Variants in FTSJ1 observed in about 807,000 individuals in gnomAD.
FTSJ1 encodes tRNA (cytidine(32)/guanosine(34)-2'-O)-methyltransferase.
A neutral mutation model predicts 28.5 loss-of-function variants in FTSJ1; 3 were observed. That is an observed-to-expected ratio of 0.11 (90% CI 0.05 to 0.27). The LOEUF (loss-of-function observed/expected upper bound fraction) is 0.27, where lower values mean the gene tolerates loss of function less well. Ranked by LOEUF, FTSJ1 falls within the 10% of genes least tolerant of loss-of-function variation. The pLI is 1.00. For synonymous variants in FTSJ1, 104 were observed against 113.9 expected (o/e 0.91, Z 0.55); for missense variants, 162 against 279.0 (o/e 0.58, Z 2.99).
chrX:48,479,024 C>T lies in FTSJ1; in HGVS notation c.283-14C>T. The T allele has an allele frequency of 7.7e-6, 9 of 1,173,999 alleles. No homozygotes were observed. The highest frequency in any genetic ancestry group is 2.2e-5 in the Admixed American group (1 of 46,056). On this transcript the variant is annotated splice_polypyrimidine_tract_variant and intron_variant, in intron 4 of 12. Transcript: ENST00000348411. Reference sequence around the variant, plus strand: ...GGAGGGCCGTGGGGCCACTCATCCTCCCTCTCTCCATAGCTGTCCACTGCC... The same window carrying T: ...GGAGGGCCGTGGGGCCACTCATCCTTCCTCTCTCCATAGCTGTCCACTGCC...
At chrX:48,485,499 A>AGT (rs1569475192) in intron 12 of FTSJ1, among the ~76,000 whole-genome samples, 5 of 109,782 alleles carry the variant, frequency 4.6e-5, no homozygotes, top group African/African-American at 1.7e-4. Flanking sequence ...TTCACCATAA[A>AGT]AGGAGGAAAT....
chrX:48,479,192 G>T, intron 5 of FTSJ1, 76 bp downstream of exon 5: 1 of 660,135 alleles, frequency 1.5e-6, no homozygotes, highest in South Asian at 2.2e-5. Flanking sequence ...CACCTTGGTT[G>T]ACTTATTCAC....
rs2061580534 is a variant in FTSJ1 at position 48,483,130 on chromosome X, T to TAATC, written c.*9+106_*9+109dup. ...ATTTTTATGTCAACTGATAAGATTTTAATCAACAAACCCTTTTCTAAACAT... is the reference window on the plus strand; with the variant it reads ...ATTTTTATGTCAACTGATAAGATTTTAATCAATCAACAAACCCTTTTCTAAACAT... On this transcript the variant is annotated intron_variant, in intron 12 of 12. Coordinates refer to ENST00000348411, the MANE Select transcript of FTSJ1 (RefSeq NM_012280.4). 37 of 638,654 alleles carry TAATC rather than the reference T, an allele frequency of 5.8e-5. No homozygotes were observed. The South Asian group carries it at 8.4e-4, about 15-fold the overall frequency. The allele number at this position is 638,654 out of a possible 1,213,427, so 52.6% of individuals were successfully genotyped here.
intron 8 of FTSJ1, 40 bp from the exon 9 acceptor site, chrX:48,481,591 AG>A (rs1311650522): frequency 1.8e-6 from 2 of 1,139,829 alleles, no homozygotes; most frequent in Non-Finnish European, 2.4e-6. Context: ...CTGCACGAGG[AG>A]GAAGCGGCAG....
At chrX:48,482,318 G>A in intron 9 of FTSJ1, 85 bp from the exon 10 acceptor site, 2 of 589,603 alleles carry the variant, frequency 3.4e-6, no homozygotes, top group Non-Finnish European at 2.9e-6. Context: ...ATGTGGGGAG[G>A]GTTTGGCAGC....
Position 48,476,279 on chromosome X carries a change from G to T in FTSJ1, c.-205G>T, listed in dbSNP as rs894305871. 1.7e-5 allele frequency: 5 copies of T among 297,300 alleles called. No individual in the cohort carries two copies. The highest frequency in any genetic ancestry group is 2.9e-5 in the Non-Finnish European group (5 of 170,151). The allele number at this position is 297,300 out of a possible 1,213,427, so 24.5% of individuals were successfully genotyped here. ...CCACGCTGCGACAGCCCATAGGCTT[G>T]CCCCCCCGGGCATTCGGGTGGACTA... On this transcript the variant is annotated 5_prime_UTR_variant, in exon 1 of 13. Coordinates refer to ENST00000348411, the MANE Select transcript of FTSJ1 (RefSeq NM_012280.4).
intron 1 of FTSJ1, 40 bp from the exon 2 acceptor site, chrX:48,477,921 T>G: frequency 8.8e-6 from 9 of 1,020,877 alleles, no homozygotes; most frequent in South Asian, 2.0e-5. Flanking sequence ...GTGGGTCAGA[T>G]GAGCCCAGTT....
intron 5 of FTSJ1, 120 bp downstream of exon 5, chrX:48,479,236 C>A: frequency 2.0e-6 from 1 of 512,439 alleles, no homozygotes; most frequent in Non-Finnish European, 3.5e-6. Context: ...CCCTTCCGCA[C>A]TCAGCTTTCT....
intron 12 of FTSJ1, among the ~76,000 whole-genome samples, chrX:48,484,516 T>C (rs914842580): frequency 1.8e-5 from 2 of 111,126 alleles, no homozygotes; most frequent in African/African-American, 3.3e-5. Flanking sequence ...CCTGAGTAGC[T>C]GGGATTACAG....
rs2147095288 is a variant in FTSJ1 at position 48,481,308 on chromosome X, A to G, written c.434A>G (p.His145Arg). ...CCACAGGCTCTGAACATTGCTACAC[A>G]TGTCCTGAAGCCAGGGGGCTGCTTT... ...LLLAALNIAT[H>R]VLKPGGCFVA... The change falls in exon 7 of 13, where the codon CAT becomes CGT. Residue 145 changes from histidine to arginine, a missense_variant. By Grantham distance (29) the His-to-Arg change is conservative. Transcript: ENST00000348411. The G allele has an allele frequency of 3.3e-6, 4 of 1,208,859 alleles. No individual in the cohort carries two copies. Among genetic ancestry groups the G allele is most frequent in the African/African-American group, 1.7e-5 (1 of 57,678 alleles).
intron 11 of FTSJ1, 24 bp from the exon 12 acceptor site, chrX:48,482,962 G>A: frequency 1.7e-6 from 2 of 1,210,132 alleles, no homozygotes; most frequent in Middle Eastern, 2.3e-4. Context: ...AAATATGTGA[G>A]TCACTTTTCT....
At chrX:48,482,330 A>C (rs1394257814) in intron 9 of FTSJ1, 73 bp from the exon 10 acceptor site, 2 of 665,088 alleles carry the variant, frequency 3.0e-6, no homozygotes, top group African/African-American at 4.3e-5. Flanking sequence ...TTTGGCAGCC[A>C]TACCGCCGCC....
intron 12 of FTSJ1, among the ~76,000 whole-genome samples, chrX:48,484,414 C>G (rs1183255011): frequency 1.9e-5 from 2 of 107,957 alleles, no homozygotes; most frequent in Non-Finnish European, 3.8e-5. Flanking sequence ...GAGTCTCGCT[C>G]TGTCGCCCAG....
In FTSJ1 at chrX:48,479,058, C is replaced by T. The variant is rs370444222; in HGVS notation, c.303C>T (p.Ile101=). 4.2e-5 allele frequency: 50 copies of T among 1,204,164 alleles called. No individual in the cohort carries two copies. The highest frequency in any genetic ancestry group is 2.3e-4 in the Middle Eastern group (1 of 4,354). Residue 101 remains isoleucine (I), a synonymous_variant, in exon 5 of 13, where the codon ATC becomes ATT. Coordinates refer to ENST00000348411, the MANE Select transcript of FTSJ1 (RefSeq NM_012280.4). ...CATAGCTGTCCACTGCCAAGGAGAT[C>T]ATCCAGCACTTTAAGGGCTGCCCTG... ...DITQLSTAKE[I]IQHFKGCPAD... is the part of the protein sequence containing the mutation.
chrX:48,479,190 T>C, intron 5 of FTSJ1, 74 bp downstream of exon 5: 1 of 677,678 alleles, frequency 1.5e-6, no homozygotes, highest in East Asian at 3.2e-5. Context: ...CCCACCTTGG[T>C]TGACTTATTC....
chrX:48,481,748 C>T, intron 9 of FTSJ1, 33 bp downstream of exon 9: 2 of 864,555 alleles, frequency 2.3e-6, no homozygotes, highest in East Asian at 3.1e-5. Context: ...CCCTGGGGGA[C>T]TCTGCCACAC....
Position 48,481,282 on chromosome X carries a change from C to T in FTSJ1, c.415-7C>T. 4 of 1,208,754 alleles carry T rather than the reference C, an allele frequency of 3.3e-6. No homozygotes were observed. The highest frequency in any genetic ancestry group is 3.4e-6 in the Non-Finnish European group (3 of 893,494). On this transcript the variant is annotated splice_region_variant and splice_polypyrimidine_tract_variant and intron_variant, in intron 6 of 12. Coordinates refer to ENST00000348411, the MANE Select transcript of FTSJ1 (RefSeq NM_012280.4). ...ACCTCAGCCTCAGCCGTCTGTCCTG[C>T]CCACAGGCTCTGAACATTGCTACAC...
At chrX:48,480,937 A>T (rs1016312) in intron 5 of FTSJ1, among the ~76,000 whole-genome samples, 21 of 111,243 alleles carry the variant, frequency 1.9e-4, no homozygotes, top group African/African-American at 6.5e-4. Flanking sequence ...GGTGGAAATG[A>T]TAATGATGCT....
chrX:48,482,301 G>C lies in FTSJ1; in HGVS notation c.656-102G>C, dbSNP rs1556968858. On this transcript the variant is annotated intron_variant, in intron 9 of 12. Transcript: ENST00000348411. ...CTGGTGGGGTGGGAAGAGAGTAGCT[G>C]GTGGATATGTGGGGAGGGTTTGGCA... The C allele has an allele frequency of 5.5e-6, 3 of 541,470 alleles. No individual in the cohort carries two copies. In the African/African-American group the frequency reaches 6.9e-5, roughly 12 times the overall value. The allele number at this position is 541,470 out of a possible 1,213,427, so 44.6% of individuals were successfully genotyped here. A position where few individuals can be genotyped will look rare whatever the true frequency, so the allele number is the denominator to read the frequency against.
Sources: gnomAD v4.1 joint callset for allele counts (sites outside exome capture counted in the v4.1 genomes callset) on GRCh38, gnomAD v4.1.1 for gene constraint, MANE v1.5 for transcripts, NCBI Gene and HGNC (gene_info 2026-07-23, HGNC 2026-07-21) for gene names.